The following ASGR1 variants were observed in gnomAD, a reference collection of about 807,000 sequenced individuals.
ASGR1 encodes C-type lectin domain family 4 member H1.
A neutral mutation model predicts 33.1 loss-of-function variants in ASGR1; 35 were observed. The observed-to-expected ratio is 1.06, with a 90% confidence interval of 0.81 to 1.40. The LOEUF (loss-of-function observed/expected upper bound fraction) is 1.40. Among genes scored for constraint, ASGR1 ranks in the 40% most tolerant of loss-of-function variants. The pLI, the probability that ASGR1 is intolerant of heterozygous loss-of-function variation, is 0.00. For synonymous variants in ASGR1, 142 were observed against 152.5 expected, an observed-to-expected ratio of 0.93 and a Z score of 0.51; for missense variants, 396 against 373.7, an observed-to-expected ratio of 1.06 and a Z score of -0.49.
At position 7,173,750 on chromosome 17, in the gene ASGR1, C is replaced by T. The variant is rs570477388; in HGVS notation, c.785G>A (p.Gly262Asp). 11 of 1,613,680 alleles carry T rather than the reference C, an allele frequency of 6.8e-6. No individual in the cohort carries two copies. In the South Asian group the frequency reaches 9.9e-5, roughly 14 times the overall value. Residue 262 changes from glycine to aspartate, a missense_variant, in exon 9 of 9, where the codon GGC (glycine) becomes GAC (aspartate). By Grantham distance (94) the Gly-to-Asp change is moderately conservative. Transcript: ENST00000269299. The surrounding 1 kb of genome is among the most constrained non-coding windows in gnomAD (Gnocchi z 4.7). The stretch of plus-strand genomic sequence containing the variant: ...CTGGCAGACGTCGTCGTTCCAGCGG[C>T]CGTCGTCGGTGAAGTGGGCACAGTC... ...GEDCAHFTDD[G>D]RWNDDVCQRP...
At position 7,176,835 on chromosome 17, in the gene ASGR1, C is replaced by G; in HGVS notation, c.350G>C (p.Ser117Thr). 1 of 1,612,692 alleles carries G rather than the reference C, an allele frequency of 6.2e-7. No homozygotes were observed. Among genetic ancestry groups the G allele is most frequent in the Non-Finnish European group, 8.5e-7 (1 of 1,179,972 alleles). The change falls in exon 5 of 9, where the codon AGT becomes ACT. Residue 117 changes from serine (S) to threonine (T), a missense_variant. By Grantham distance (58) the Ser-to-Thr change is moderately conservative. Coordinates refer to ENST00000269299, the MANE Select transcript of ASGR1 (RefSeq NM_001671.5). Reference sequence around the variant, plus strand: ...ACACACACTCCCTCTCTGACCTTCACTCAGGTCCTTCTGCTGTTTCTCCAG... The same window carrying G: ...ACACACACTCCCTCTCTGACCTTCAGTCAGGTCCTTCTGCTGTTTCTCCAG... ...SQLEKQQKDL[S>T]EDHSSLLLHV...
rs144510955 is a variant in ASGR1 at position 7,173,554 on chromosome 17, C to T, written c.*105G>A. Reference sequence around the variant, plus strand: ...AACATCACCCTATCCTTCCCCTTCCCTTAAAATCCTAGATGAAAATTCCCG... The same window carrying T: ...AACATCACCCTATCCTTCCCCTTCCTTTAAAATCCTAGATGAAAATTCCCG... On this transcript the variant is annotated 3_prime_UTR_variant, in exon 9 of 9. Transcript: ENST00000269299. This position sits in a 1 kb window ranked among gnomAD's most constrained non-coding sequence, Gnocchi z 4.7. 16 of 1,480,988 alleles carry T rather than the reference C, an allele frequency of 1.1e-5. No individual in the cohort carries two copies. Among genetic ancestry groups the T allele is most frequent in the Middle Eastern group, 2.4e-4 (1 of 4,192 alleles). The allele number at this position is 1,480,988 out of a possible 1,614,324, so 91.7% of individuals were successfully genotyped here.
intron 2 of ASGR1, chr17:7,177,946 G>C (rs2069236957): frequency 6.1e-6 from 1 of 163,206 alleles, no homozygotes; most frequent in African/African-American, 2.4e-5. Context: ...TCCTTGCTCA[G>C]CCTAAACAAT....
chr17:7,176,119 CAG>C (rs923772371), intron 5 of ASGR1, among the ~76,000 whole-genome samples: 13 of 149,136 alleles, frequency 8.7e-5, no homozygotes, highest in Non-Finnish European at 1.3e-4. Flanking sequence ...TTCTCACACT[CAG>C]ACTCTGTCAC....
Position 7,173,873 on chromosome 17 carries a change from C to T in ASGR1, c.702-40G>A. On this transcript the variant is annotated intron_variant, in intron 8 of 8. Coordinates refer to ENST00000269299, the MANE Select transcript of ASGR1 (RefSeq NM_001671.5). This position sits in a 1 kb window ranked among gnomAD's most constrained non-coding sequence, Gnocchi z 4.7. ...AGCTGTGGGCCCCAGGAGGTCGGATCCGCAGGCGGGTCGCTCCAGACTCCT... is the reference window on the plus strand; with the variant it reads ...AGCTGTGGGCCCCAGGAGGTCGGATTCGCAGGCGGGTCGCTCCAGACTCCT... 6.2e-7 allele frequency: 1 copy of T among 1,607,210 alleles called. No individual in the cohort carries two copies. Among genetic ancestry groups the T allele is most frequent in the Non-Finnish European group, 8.5e-7 (1 of 1,177,074 alleles).
intron 5 of ASGR1, among the ~76,000 whole-genome samples, chr17:7,175,783 T>TCACACACA (rs368628906): frequency 2.5e-4 from 37 of 145,120 alleles, no homozygotes; most frequent in African/African-American, 9.1e-4. Context: ...ACACAGGCTC[T>TCACACACA]CACACACACA....
At chr17:7,178,862 G>A (rs1032727437) in intron 1 of ASGR1, 18 of 267,676 alleles carry the variant, frequency 6.7e-5, no homozygotes, top group African/African-American at 4.0e-4. Context: ...TCAGCCTCTG[G>A]AGTAGCTGGG....
chr17:7,176,300 CAG>C (rs2069206323), intron 5 of ASGR1, among the ~76,000 whole-genome samples: 2 of 136,206 alleles, frequency 1.5e-5, no homozygotes, highest in African/African-American at 3.4e-5. Context: ...CTCACACTCA[CAG>C]ACTCACACTC....
At chr17:7,174,790 C>A (rs923247059) in intron 5 of ASGR1, among the ~76,000 whole-genome samples, 2 of 150,834 alleles carry the variant, frequency 1.3e-5, no homozygotes, top group African/African-American at 4.9e-5. Context: ...CACACCCTAA[C>A]CCACAGACAC....
rs12944281 is a variant in ASGR1, at chr17:7,176,749, C to T, written c.355+81G>A. On this transcript the variant is annotated intron_variant, in intron 5 of 8. Coordinates refer to ENST00000269299, the MANE Select transcript of ASGR1 (RefSeq NM_001671.5). ...TCTCATTCTCACACACATCCACACA[C>T]ACTCACACTTTCTCACACACATCCA... The T allele has an allele frequency of 3.9e-6, 6 of 1,552,096 alleles. No homozygotes were observed. The East Asian group carries it at 1.4e-4, about 35-fold the overall frequency.
Position 7,178,624 on chromosome 17 carries a change from C to T in ASGR1, c.-25-36G>A, listed in dbSNP as rs1307790739. ...ACTGAGGCTGGGGCTGAGGTGGGGG[C>T]TCACCAGGACTAGAGTGGGAATGAG... On this transcript the variant is annotated intron_variant, in intron 1 of 8. Coordinates refer to ENST00000269299, the MANE Select transcript of ASGR1 (RefSeq NM_001671.5). The T allele has an allele frequency of 3.4e-6, 5 of 1,486,808 alleles. No homozygotes were observed. In the Admixed American group the frequency reaches 9.1e-5, roughly 27 times the overall value. 92.1% of individuals were successfully genotyped at this position (1,486,808 alleles called of 1,614,324 possible). A position where few individuals can be genotyped will look rare whatever the true frequency, so the allele number is the denominator to read the frequency against.
intron 5 of ASGR1, among the ~76,000 whole-genome samples, chr17:7,175,120 A>G (rs1394470816): frequency 6.6e-6 from 1 of 150,402 alleles, no homozygotes; most frequent in Non-Finnish European, 1.5e-5. Flanking sequence ...AACACACAAC[A>G]CACCCTAACC....
intron 5 of ASGR1, chr17:7,176,542 C>T (rs544108117): frequency 3.7e-6 from 2 of 540,548 alleles, no homozygotes; most frequent in South Asian, 4.2e-5. Context: ...CACACACCAT[C>T]TCATTCTCAC....
Position 7,174,386 on chromosome 17 carries a change from G to C in ASGR1, c.430C>G (p.Leu144Val), listed in dbSNP as rs145624736. ...LRSLSCQMAA[L>V]QGNGSERTCC... Reference sequence around the variant, plus strand: ...CTGGCCTCCTTACCATTGCCCTGGAGCGCCGCCATCTGACAGCTCAGGCTC... The same window carrying C: ...CTGGCCTCCTTACCATTGCCCTGGACCGCCGCCATCTGACAGCTCAGGCTC... Residue 144 changes from leucine (L) to valine (V), a missense_variant, in exon 6 of 9, where the codon CTC becomes GTC. By Grantham distance (32) the Leu-to-Val change is conservative. Coordinates refer to ENST00000269299, the MANE Select transcript of ASGR1 (RefSeq NM_001671.5). 1.2e-5 allele frequency: 19 copies of C among 1,613,996 alleles called. No homozygotes were observed. In the Middle Eastern group the frequency reaches 5.0e-4, roughly 42 times the overall value.
At chr17:7,176,515 C>T (rs111067483) in intron 5 of ASGR1, 41,009 of 449,386 alleles carry the variant, frequency 0.091, 5,460 homozygotes, top group African/African-American at 0.44. Context: ...AGACACACAC[C>T]CCCTCTCATT....
chr17:7,175,849 C>T (rs2069194468), intron 5 of ASGR1, among the ~76,000 whole-genome samples: 1 of 128,872 alleles, frequency 7.8e-6, no homozygotes, highest in South Asian at 2.4e-4. Flanking sequence ...CCATCTCATT[C>T]TCACACACAC....
chr17:7,174,544 T>C, intron 5 of ASGR1, 84 bp from the exon 6 acceptor site: 1 of 1,420,272 alleles, frequency 7.0e-7, no homozygotes. Context: ...CCCTACATCC[T>C]CCTGCTGGGA....
chr17:7,178,568 G>A lies in ASGR1; in HGVS notation c.-5C>T, dbSNP rs932721042. 2.5e-6 allele frequency: 4 copies of A among 1,613,684 alleles called. No homozygotes were observed. The highest frequency in any genetic ancestry group is 3.4e-6 in the Non-Finnish European group (4 of 1,179,890). On this transcript the variant is annotated 5_prime_UTR_variant, in exon 2 of 9. Coordinates refer to ENST00000269299, the MANE Select transcript of ASGR1 (RefSeq NM_001671.5). ...GTCTTGATACTCCTTGGTCATGATAGGGCTGGCGCTGGACCTGGGACTGAG... is the reference window on the plus strand; with the variant it reads ...GTCTTGATACTCCTTGGTCATGATAAGGCTGGCGCTGGACCTGGGACTGAG...
chr17:7,178,167 G>A (rs201443232), intron 2 of ASGR1: 111 of 369,210 alleles, frequency 3.0e-4, no homozygotes, highest in Non-Finnish European at 1.8e-4. Flanking sequence ...TGTTGGAAGG[G>A]GAAAGGAAGA....
Sources: allele counts gnomAD v4.1 joint callset (sites outside exome capture counted in the v4.1 genomes callset), GRCh38; gene constraint gnomAD v4.1.1; non-coding constraint Gnocchi (gnomAD v3.1); transcripts MANE v1.5; gene names NCBI Gene and HGNC (gene_info 2026-07-23, HGNC 2026-07-21).